Variants in CCDC33 observed in about 807,000 individuals in gnomAD.
The protein encoded by CCDC33 is coiled-coil domain-containing protein 33.
CCDC33 carries 94 observed loss-of-function variants against 91.9 expected under a neutral mutation model. The ratio of observed to expected loss-of-function variants is 1.02; its 90% CI spans 0.87 to 1.21. CCDC33 has a LOEUF of 1.21. Ranked by LOEUF, CCDC33 falls within the 50% of genes most tolerant of loss-of-function variation. The pLI, the probability that CCDC33 is intolerant of heterozygous loss-of-function variation, is 0.00. For missense variants in CCDC33, 940 were observed against 935.5 expected (o/e 1.00, Z -0.06); for synonymous variants, 396 against 374.5 (o/e 1.06, Z -0.66).
At chr15:74,279,891 C>T in intron 7 of CCDC33, 72 bp from the exon 8 acceptor site, 1 of 1,550,306 alleles carries the variant, frequency 6.5e-7, no homozygotes. Flanking sequence ...TACACAAAAC[C>T]AAATATCTGT....
intron 11 of CCDC33, among the ~76,000 whole-genome samples, chr15:74,327,006 G>A (rs114663577): frequency 0.011 from 1,686 of 152,342 alleles, 16 homozygotes; most frequent in African/African-American, 0.027. Flanking sequence ...CAAGGTCACT[G>A]CTGTGCGGGT....
intron 7 of CCDC33, among the ~76,000 whole-genome samples, chr15:74,276,509 C>T (rs1195292342): frequency 6.6e-6 from 1 of 152,318 alleles, no homozygotes; most frequent in East Asian, 1.9e-4. Flanking sequence ...TCCTGGGGCC[C>T]CTTCCATCCC....
At position 74,335,060 on chromosome 15, in the gene CCDC33, C is replaced by T; in HGVS notation, c.2111C>T (p.Pro704Leu). The change falls in exon 18 of 19, where the codon CCC becomes CTC. Residue 704 changes from proline to leucine, a missense_variant. Pro to Leu is a moderately conservative substitution (Grantham distance 98). Transcript: ENST00000398814. ...LQEQEKGFRH[P>L]SNSIIIEQPS... ...GAGCAAGAAAAAGGTTTCAGGCACC[C>T]CTCGAACTCCATCATCATAGAACAG... 1 of 1,614,044 alleles carries T rather than the reference C, an allele frequency of 6.2e-7. No homozygotes were observed. The highest frequency in any genetic ancestry group is 1.3e-5 in the African/African-American group (1 of 75,006).
At chr15:74,276,214 GC>G (rs1251731870) in intron 7 of CCDC33, among the ~76,000 whole-genome samples, 1 of 152,228 alleles carries the variant, frequency 6.6e-6, no homozygotes, top group Non-Finnish European at 1.5e-5. Flanking sequence ...ATGGTGGTGG[GC>G]TAGGTGGCCC....
intron 2 of CCDC33, among the ~76,000 whole-genome samples, chr15:74,260,462 C>G (rs1418500355): frequency 2.0e-5 from 3 of 152,220 alleles, no homozygotes; most frequent in African/African-American, 7.2e-5. Context: ...TGCCCTCAGG[C>G]AGGTCCTCTT....
chr15:74,249,827 G>A (rs549190393), intron 2 of CCDC33, among the ~76,000 whole-genome samples: 3 of 152,178 alleles, frequency 2.0e-5, no homozygotes, highest in African/African-American at 4.8e-5. Flanking sequence ...GGGTTTGGAC[G>A]GGTGAATTTG....
intron 2 of CCDC33, chr15:74,221,154 C>T (rs1042752715): frequency 2.1e-6 from 2 of 939,544 alleles, no homozygotes; most frequent in African/African-American, 3.6e-5. Context: ...TGAATCTATT[C>T]AATTCAGAAC....
chr15:74,217,464 G>T (rs941789516), exon 1 of CCDC33: 1 of 1,289,860 alleles, frequency 7.8e-7, no homozygotes, highest in African/African-American at 1.5e-5. Flanking sequence ...GCAGTTGCAA[G>T]TGAATGATGG....
At chr15:74,277,680 C>T (rs1307456836) in intron 7 of CCDC33, among the ~76,000 whole-genome samples, 4 of 152,204 alleles carry the variant, frequency 2.6e-5, no homozygotes, top group African/African-American at 4.8e-5. Flanking sequence ...CTCCTGCCTG[C>T]ACATGCACAA....
intron 1 of CCDC33, among the ~76,000 whole-genome samples, chr15:74,207,036 A>G (rs1254978775): frequency 6.6e-6 from 1 of 152,238 alleles, no homozygotes; most frequent in Non-Finnish European, 1.5e-5. Context: ...CAGAGCTGCT[A>G]TGCCCCTCGG....
intron 10 of CCDC33, among the ~76,000 whole-genome samples, chr15:74,291,579 T>C (rs551196807): frequency 6.6e-6 from 1 of 152,346 alleles, no homozygotes; most frequent in South Asian, 2.1e-4. Flanking sequence ...CTAATTGAAT[T>C]AAGAGCATGT....
At chr15:74,325,555 G>A (rs537638052) in intron 11 of CCDC33, among the ~76,000 whole-genome samples, 10 of 150,780 alleles carry the variant, frequency 6.6e-5, no homozygotes, top group Non-Finnish European at 1.0e-4. Context: ...AAGCAGGGAC[G>A]GTCTGGGCTG....
At chr15:74,214,350 C>A (rs1425046624), upstream of CCDC33, among the ~76,000 whole-genome samples, 2 of 152,124 alleles carry the variant, frequency 1.3e-5, no homozygotes, top group Non-Finnish European at 2.9e-5. Flanking sequence ...TGCTCCCTTC[C>A]TGCCTCCCTC....
chr15:74,208,722 G>A (rs931060631), intron 1 of CCDC33: 2 of 986,990 alleles, frequency 2.0e-6, no homozygotes, highest in Non-Finnish European at 2.4e-6. Context: ...ACTTCCCACC[G>A]CACACCCCAT....
At position 74,330,183 on chromosome 15, in the gene CCDC33, C is replaced by A; in HGVS notation, c.1291-6C>A. 1 of 1,596,794 alleles carries A rather than the reference C, an allele frequency of 6.3e-7. No individual in the cohort carries two copies. The highest frequency in any genetic ancestry group is 1.1e-5 in the South Asian group (1 of 88,970). ...TGGGCTCAGCTCTGGGCTCTGGGAT[C>A]CACAGGAGATGAACAACTACCGGCG... On this transcript the variant is annotated splice_region_variant and splice_polypyrimidine_tract_variant and intron_variant, in intron 11 of 18. Transcript: ENST00000398814.
chr15:74,214,807 A>G (rs2142130602), upstream of CCDC33, among the ~76,000 whole-genome samples: 1 of 152,216 alleles, frequency 6.6e-6, no homozygotes, highest in East Asian at 1.9e-4. Flanking sequence ...TTTGCTTGTC[A>G]CAGATGGACT....
intron 1 of CCDC33, chr15:74,209,288 C>T (rs1418752511): frequency 2.6e-5 from 35 of 1,363,986 alleles, no homozygotes; most frequent in Non-Finnish European, 3.5e-5. Flanking sequence ...AGTGGAGAAG[C>T]CTGCACAGGG....
intron 18 of CCDC33, 115 bp downstream of exon 18, chr15:74,335,203 T>A: frequency 1.2e-6 from 1 of 854,666 alleles, no homozygotes; most frequent in Non-Finnish European, 2.1e-6. Context: ...ACTCCAGGGC[T>A]GGGGGTCAGG....
intron 2 of CCDC33, among the ~76,000 whole-genome samples, chr15:74,251,307 G>T (rs574787956): frequency 1.3e-5 from 2 of 152,264 alleles, no homozygotes; most frequent in Admixed American, 6.5e-5. Flanking sequence ...GTGCCCTGGG[G>T]CTTGAACAGT....
Sources: gnomAD v4.1 joint callset for allele counts (sites outside exome capture counted in the v4.1 genomes callset) on GRCh38, gnomAD v4.1.1 for gene constraint, MANE v1.5 for transcripts, NCBI Gene and HGNC (gene_info 2026-07-23, HGNC 2026-07-21) for gene names.